Variants in PCDHA5 observed in about 807,000 individuals in gnomAD.
The protein encoded by PCDHA5 is protocadherin alpha 5.
A neutral mutation model predicts 61.6 loss-of-function variants in PCDHA5; 43 were observed. That is an observed-to-expected ratio of 0.70 (90% CI 0.55 to 0.90). The LOEUF (loss-of-function observed/expected upper bound fraction) is 0.90. Among genes scored for constraint, PCDHA5 ranks in the 40% least tolerant of loss-of-function variants. The pLI is 0.00. For synonymous variants in PCDHA5, 627 were observed against 543.9 expected, an observed-to-expected ratio of 1.15 and a Z score of -2.13; for missense variants, 1,298 against 1,222.7, an observed-to-expected ratio of 1.06 and a Z score of -0.92.
At chr5:140,835,577 G>T (rs1554135077) in intron 1 of PCDHA5, 1 of 1,613,890 alleles carries the variant, frequency 6.2e-7, no homozygotes, top group Non-Finnish European at 8.5e-7. Context: ...TCAAGTTGGT[G>T]TCCACCTTCA....
At chr5:140,873,454 T>C (rs1251903132) in intron 1 of PCDHA5, among the ~76,000 whole-genome samples, 1 of 152,170 alleles carries the variant, frequency 6.6e-6, no homozygotes, top group African/African-American at 2.4e-5. Context: ...CAAATTTGCA[T>C]TTTAGATAAT....
intron 3 of PCDHA5, among the ~76,000 whole-genome samples, chr5:140,992,543 T>G (rs1226407687): frequency 6.6e-6 from 1 of 152,186 alleles, no homozygotes; most frequent in African/African-American, 2.4e-5. Flanking sequence ...CTGTCACAAG[T>G]GATGCCAGGA....
At chr5:140,993,540 A>T (rs1189758746) in intron 3 of PCDHA5, among the ~76,000 whole-genome samples, 7 of 151,678 alleles carry the variant, frequency 4.6e-5, no homozygotes, top group Non-Finnish European at 8.8e-5. Context: ...AGAGAGAGAT[A>T]GAGAAGTGAA....
chr5:140,843,669 T>C (rs1554140329), intron 1 of PCDHA5: 2 of 1,592,688 alleles, frequency 1.3e-6, no homozygotes, highest in Non-Finnish European at 1.7e-6. Flanking sequence ...CTGGGATCAG[T>C]TGATGTAGGC....
chr5:140,834,427 T>C (rs2150217610), intron 1 of PCDHA5: 1 of 1,613,722 alleles, frequency 6.2e-7, no homozygotes, highest in Non-Finnish European at 8.5e-7. Context: ...CGACATCTAC[T>C]GCTGTTTATT....
intron 1 of PCDHA5, among the ~76,000 whole-genome samples, chr5:140,972,821 G>A (rs372160406): frequency 3.3e-5 from 5 of 152,010 alleles, no homozygotes; most frequent in East Asian, 3.9e-4. Flanking sequence ...GCGCCACCAC[G>A]CCTGGCTAAT....
At chr5:140,958,953 T>A (rs1489065015) in intron 1 of PCDHA5, among the ~76,000 whole-genome samples, 2 of 144,196 alleles carry the variant, frequency 1.4e-5, no homozygotes, top group Non-Finnish European at 3.1e-5. Flanking sequence ...ATTATATTAT[T>A]ATAATTGTTC....
intron 1 of PCDHA5, chr5:140,968,844 G>A: frequency 1.2e-6 from 2 of 1,614,210 alleles, no homozygotes; most frequent in African/African-American, 1.3e-5. Context: ...GACACTCAGA[G>A]GCATGTTAAG....
chr5:140,852,859 C>T, intron 1 of PCDHA5: 1 of 960,834 alleles, frequency 1.0e-6, no homozygotes. Context: ...TAAGCATTTA[C>T]TATGTCATCA....
At chr5:140,901,282 T>A (rs555723354) in intron 1 of PCDHA5, among the ~76,000 whole-genome samples, 44 of 152,318 alleles carry the variant, frequency 2.9e-4, no homozygotes, top group African/African-American at 1.0e-3. Context: ...CAAGAAATTT[T>A]TGCCCAGACT....
At chr5:140,834,987 A>G in intron 1 of PCDHA5, 1 of 1,457,052 alleles carries the variant, frequency 6.9e-7, no homozygotes, top group Non-Finnish European at 9.3e-7. Flanking sequence ...ACTTTTAGAC[A>G]GAGAAGAAAC....
At chr5:140,856,781 G>C in intron 1 of PCDHA5, 1 of 1,596,356 alleles carries the variant, frequency 6.3e-7, no homozygotes, top group South Asian at 1.1e-5. Context: ...TGACAGACCG[G>C]TTTATGAAGT....
At chr5:140,919,932 C>A (rs2079357842) in intron 1 of PCDHA5, among the ~76,000 whole-genome samples, 1 of 151,968 alleles carries the variant, frequency 6.6e-6, no homozygotes, top group Non-Finnish European at 1.5e-5. Flanking sequence ...CAGGTGGGGG[C>A]TAATTCCAGT....
At chr5:140,928,885 C>T in intron 1 of PCDHA5, 1 of 1,614,194 alleles carries the variant, frequency 6.2e-7, no homozygotes, top group Non-Finnish European at 8.5e-7. Context: ...TCAGTTACTT[C>T]CAGACTTTGA....
At chr5:140,849,484 T>A (rs2040926970) in intron 1 of PCDHA5, 1 of 1,590,814 alleles carries the variant, frequency 6.3e-7, no homozygotes, top group Non-Finnish European at 8.6e-7. Flanking sequence ...TTCCCACCCC[T>A]GGCTGGTCAT....
chr5:140,985,606 C>A (rs1008038466), intron 3 of PCDHA5, among the ~76,000 whole-genome samples: 1 of 152,300 alleles, frequency 6.6e-6, no homozygotes, highest in South Asian at 2.1e-4. Context: ...AGAGCCCTTT[C>A]CGTGAACCAG....
chr5:140,822,076 T>A lies in PCDHA5; in HGVS notation c.301T>A (p.Cys101Ser). The change falls in exon 1 of 4, where the codon TGC becomes AGC. Residue 101 changes from cysteine (C) to serine (S), a missense_variant. By Grantham distance (112) the Cys-to-Ser change is moderately radical. Coordinates refer to ENST00000529859, the MANE Select transcript of PCDHA5 (RefSeq NM_018908.3). Reference protein sequence around the residue: ...REELCRRRAECSIHLEVIVDR... With the variant: ...REELCRRRAESSIHLEVIVDR... ...GGAGCTGTGCCGGCGGAGGGCGGAG[T>A]GCAGCATCCACCTGGAGGTGATCGT... The A allele has an allele frequency of 1.2e-6, 2 of 1,614,048 alleles. No individual in the cohort carries two copies. The highest frequency in any genetic ancestry group is 1.7e-6 in the Non-Finnish European group (2 of 1,180,032).
chr5:140,870,932 T>C (rs1428252254), intron 1 of PCDHA5: 1 of 1,613,824 alleles, frequency 6.2e-7, no homozygotes, highest in South Asian at 1.1e-5. Context: ...TCATATGAAT[T>C]GCAGCCGGCG....
chr5:140,969,184 C>A (rs1381646688), intron 1 of PCDHA5: 1 of 1,613,998 alleles, frequency 6.2e-7, no homozygotes, highest in Non-Finnish European at 8.5e-7. Flanking sequence ...GTGACACTTT[C>A]ATGTTTTACA....
Sources: allele counts gnomAD v4.1 joint callset (sites outside exome capture counted in the v4.1 genomes callset), GRCh38; gene constraint gnomAD v4.1.1; transcripts MANE v1.5; gene names NCBI Gene and HGNC (gene_info 2026-07-23, HGNC 2026-07-21).